The following DAB1 variants were observed in gnomAD, a reference collection of about 807,000 sequenced individuals.
The protein encoded by DAB1 is DAB adaptor protein 1, also known as disabled homolog 1.
DAB1 carries 15 observed loss-of-function variants against 64.6 expected under a neutral mutation model. The observed-to-expected ratio is 0.23, with a 90% CI of 0.16 to 0.36. The LOEUF is 0.36. Among genes scored for constraint, DAB1 ranks in the 10% least tolerant of loss-of-function variants. The pLI is 1.00. For missense variants in DAB1, 596 were observed against 706.7 expected (o/e 0.84, Z 1.78); for synonymous variants, 235 against 251.9 (o/e 0.93, Z 0.64).
chr1:57,935,759 G>C (rs1314761755), intron 5 of DAB1, among the ~76,000 whole-genome samples: 1 of 152,090 alleles, frequency 6.6e-6, no homozygotes, highest in Non-Finnish European at 1.5e-5. Flanking sequence ...AAAAACGAGT[G>C]CATAAAAAGC....
At chr1:57,027,813 C>T (rs1646840587) in intron 9 of DAB1, among the ~76,000 whole-genome samples, 1 of 152,202 alleles carries the variant, frequency 6.6e-6, no homozygotes, top group African/African-American at 2.4e-5. Context: ...GATTGAATAA[C>T]AGTGCCTGGC....
At chr1:57,199,863 C>T (rs1664944340) in intron 2 of DAB1, among the ~76,000 whole-genome samples, 1 of 152,118 alleles carries the variant, frequency 6.6e-6, no homozygotes, top group Non-Finnish European at 1.5e-5. Flanking sequence ...CACAAATGCA[C>T]TTGGAAAGTA....
chr1:57,320,622 T>C (rs1000170302), intron 1 of DAB1, among the ~76,000 whole-genome samples: 1 of 152,166 alleles, frequency 6.6e-6, no homozygotes. Context: ...TCACACATTA[T>C]GGGATTATAA....
At position 57,714,354 on chromosome 1, in the gene DAB1, T is replaced by C. The variant is rs150728254; in HGVS notation, n.552-64689A>G. On this transcript the variant is annotated intron_variant and non_coding_transcript_variant, in intron 6 of 20. Coordinates refer to the DAB1 transcript ENST00000485760. ...GGAAATCTGGGTTTTGAACCCAAGC[T>C]CTGAACTACTATGATATGCTTTCTC... 9.8e-4 allele frequency among the ~76,000 whole-genome samples: 149 copies of C among 152,292 alleles called. 1 individual carries two copies. The highest frequency in any genetic ancestry group is 3.5e-3 in the African/African-American group (144 of 41,556).
intron 6 of DAB1, among the ~76,000 whole-genome samples, chr1:57,816,771 T>A (rs1651873315): frequency 6.6e-6 from 1 of 152,228 alleles, no homozygotes; most frequent in East Asian, 1.9e-4. Flanking sequence ...CTCCTACGTC[T>A]GGCCTACCAC....
At chr1:57,925,914 TG>T (rs1316183021) in intron 5 of DAB1, among the ~76,000 whole-genome samples, 4 of 152,302 alleles carry the variant, frequency 2.6e-5, no homozygotes, top group African/African-American at 7.2e-5. Context: ...GGGTTTCTCT[TG>T]GGCCTACCCT....
intron 2 of DAB1, among the ~76,000 whole-genome samples, chr1:58,516,492 G>A (rs1322396337): frequency 1.3e-5 from 2 of 152,260 alleles, no homozygotes; most frequent in Admixed American, 6.5e-5. Context: ...TCTTACCAGT[G>A]ATTATTAATT....
intron 6 of DAB1, among the ~76,000 whole-genome samples, chr1:57,801,118 A>G (rs1004702181): frequency 1.3e-5 from 2 of 152,232 alleles, no homozygotes; most frequent in Non-Finnish European, 2.9e-5. Flanking sequence ...CCCTCTACTC[A>G]TTCTTATTTG....
intron 5 of DAB1, among the ~76,000 whole-genome samples, chr1:58,121,147 T>A (rs1652712031): frequency 6.6e-6 from 1 of 152,160 alleles, no homozygotes; most frequent in Non-Finnish European, 1.5e-5. Context: ...CAACTAGCAC[T>A]TCTATTTCTC....
chr1:57,373,505 T>C (rs1271049953), intron 1 of DAB1, among the ~76,000 whole-genome samples: 1 of 152,074 alleles, frequency 6.6e-6, no homozygotes, highest in Non-Finnish European at 1.5e-5. Context: ...AAAGCATTTG[T>C]ATTTAATGGG....
intron 2 of DAB1, among the ~76,000 whole-genome samples, chr1:57,278,188 C>T (rs141184996): frequency 6.6e-6 from 1 of 152,280 alleles, no homozygotes; most frequent in African/African-American, 2.4e-5. Context: ...AATACCTGTC[C>T]TTCTATTTAC....
At chr1:57,009,403 C>T (rs1019925155) in intron 14 of DAB1, among the ~76,000 whole-genome samples, 4 of 152,180 alleles carry the variant, frequency 2.6e-5, no homozygotes, top group Non-Finnish European at 5.9e-5. Flanking sequence ...TGCTATTGCA[C>T]TGATACAAAA....
chr1:57,394,253 A>C (rs1257493070), intron 1 of DAB1, among the ~76,000 whole-genome samples: 3 of 152,182 alleles, frequency 2.0e-5, no homozygotes, highest in African/African-American at 7.2e-5. Context: ...CCAACATCAG[A>C]CCCAACGGGC....
intron 6 of DAB1, among the ~76,000 whole-genome samples, chr1:57,790,013 A>G (rs1400721338): frequency 6.6e-6 from 1 of 152,164 alleles, no homozygotes. Flanking sequence ...GGCTAACAGG[A>G]GGCACCAACG....
chr1:57,849,842 T>G (rs976076781), intron 1 of DAB1, among the ~76,000 whole-genome samples: 9 of 152,256 alleles, frequency 5.9e-5, no homozygotes, highest in Non-Finnish European at 1.5e-5. Context: ...TGTATGTGTA[T>G]GCACATAATT....
At chr1:58,323,435 AG>A (rs1662741837) in intron 4 of DAB1, among the ~76,000 whole-genome samples, 2 of 152,148 alleles carry the variant, frequency 1.3e-5, no homozygotes, top group East Asian at 1.9e-4. Flanking sequence ...CTTCGTATCT[AG>A]GCAGATCACC....
chr1:58,356,024 C>T (rs951195436), intron 3 of DAB1, among the ~76,000 whole-genome samples: 3 of 152,190 alleles, frequency 2.0e-5, no homozygotes, highest in East Asian at 1.9e-4. Context: ...TCCTCCCAAG[C>T]GAACAACTTC....
intron 3 of DAB1, among the ~76,000 whole-genome samples, chr1:58,350,248 T>C (rs2100514244): frequency 6.6e-6 from 1 of 152,348 alleles, no homozygotes; most frequent in Non-Finnish European, 1.5e-5. Context: ...GCTGCATAAA[T>C]GTCCTCTTTT....
intron 4 of DAB1, among the ~76,000 whole-genome samples, chr1:58,186,852 A>C (rs1657105209): frequency 6.6e-6 from 1 of 152,168 alleles, no homozygotes; most frequent in African/African-American, 2.4e-5. Flanking sequence ...GTTTGCTTTC[A>C]TGATCATGGC....
Sources: gnomAD v4.1 joint callset for allele counts (sites outside exome capture counted in the v4.1 genomes callset) on GRCh38, gnomAD v4.1.1 for gene constraint, MANE v1.5 for transcripts, NCBI Gene and HGNC (gene_info 2026-07-23, HGNC 2026-07-21) for gene names.